Variants in MLLT10 observed in about 807,000 individuals in gnomAD.
MLLT10 encodes protein AF-10.
Under a neutral mutation model 129.1 loss-of-function variants are expected in MLLT10, and 30 were observed. That is an observed-to-expected ratio of 0.23 (90% CI 0.17 to 0.32). The LOEUF is 0.32. Ranked by LOEUF, MLLT10 falls within the 10% of genes least tolerant of loss-of-function variation. The probability of loss-of-function intolerance (pLI) is 1.00; values close to 1 mark genes in which losing one functional copy is unlikely to be tolerated. For synonymous variants in MLLT10, 490 were observed against 446.4 expected (o/e 1.10, Z -1.23); for missense variants, 1,119 against 1,268.3 (o/e 0.88, Z 1.79).
chr10:21,659,916 G>T (rs979077175), intron 9 of MLLT10, among the ~76,000 whole-genome samples: 1 of 152,078 alleles, frequency 6.6e-6, no homozygotes, highest in African/African-American at 2.4e-5. Flanking sequence ...AGTGATGATT[G>T]TTCCTTGCTA....
At chr10:21,604,272 G>C (rs1286092771) in intron 5 of MLLT10, among the ~76,000 whole-genome samples, 1 of 152,144 alleles carries the variant, frequency 6.6e-6, no homozygotes, top group Admixed American at 6.5e-5. Flanking sequence ...ATTGGCGATG[G>C]ATTAAGACTT....
At chr10:21,670,747 TTAA>T (rs1359118887) in intron 10 of MLLT10, 43 bp downstream of exon 10, 1 of 1,560,726 alleles carries the variant, frequency 6.4e-7, no homozygotes, top group Admixed American at 2.0e-5. Flanking sequence ...TTTAAGATGG[TTAA>T]TAATAGTTAT....
At chr10:21,625,184 CT>C (rs1373051456) in intron 8 of MLLT10, 1 of 1,482,416 alleles carries the variant, frequency 6.7e-7, no homozygotes, top group African/African-American at 1.4e-5. Flanking sequence ...ATATGCAGTG[CT>C]TCTGGAGGCC....
intron 3 of MLLT10, among the ~76,000 whole-genome samples, chr10:21,576,904 T>G (rs551791256): frequency 1.3e-5 from 2 of 152,370 alleles, no homozygotes; most frequent in Non-Finnish European, 2.9e-5. Flanking sequence ...GTGCTGGGGT[T>G]ACAGGCGTGG....
At chr10:21,606,188 ACT>A (rs1564495388) in intron 5 of MLLT10, among the ~76,000 whole-genome samples, 2 of 151,654 alleles carry the variant, frequency 1.3e-5, no homozygotes, top group Admixed American at 1.3e-4. Flanking sequence ...ATCTCTCTCT[ACT>A]CTCCTTAGGC....
chr10:21,563,749 A>G (rs2039158895), intron 3 of MLLT10, among the ~76,000 whole-genome samples: 3 of 151,776 alleles, frequency 2.0e-5, no homozygotes, highest in African/African-American at 7.3e-5. Flanking sequence ...ATAAGTCTTC[A>G]TTTAGTAATT....
At chr10:21,740,619 T>G (rs960819372) in intron 22 of MLLT10, among the ~76,000 whole-genome samples, 3 of 152,232 alleles carry the variant, frequency 2.0e-5, no homozygotes, top group Admixed American at 6.5e-5. Flanking sequence ...TAAGTATATT[T>G]ATTACCAAGA....
intron 5 of MLLT10, among the ~76,000 whole-genome samples, chr10:21,600,152 G>C (rs1467693971): frequency 2.6e-5 from 4 of 151,986 alleles, no homozygotes; most frequent in Non-Finnish European, 5.9e-5. Flanking sequence ...TTCCTTTGGT[G>C]TGTCTATTTT....
At chr10:21,567,843 A>G (rs1349974233) in intron 3 of MLLT10, among the ~76,000 whole-genome samples, 6 of 147,710 alleles carry the variant, frequency 4.1e-5, no homozygotes, top group African/African-American at 1.5e-4. Flanking sequence ...TTTTTGAGAC[A>G]GAGTCTCTCT....
At chr10:21,664,258 A>T (rs1277077921) in intron 9 of MLLT10, among the ~76,000 whole-genome samples, 1 of 148,478 alleles carries the variant, frequency 6.7e-6, no homozygotes, top group Non-Finnish European at 1.5e-5. Context: ...GATGCAGAAC[A>T]TGGATTATCT....
chr10:21,584,314 C>T (rs941584195), intron 3 of MLLT10, among the ~76,000 whole-genome samples: 3 of 152,004 alleles, frequency 2.0e-5, no homozygotes, highest in Non-Finnish European at 4.4e-5. Context: ...CAGGCACGCA[C>T]CACCACATCC....
At chr10:21,724,423 G>A (rs907768535) in intron 14 of MLLT10, among the ~76,000 whole-genome samples, 4 of 152,188 alleles carry the variant, frequency 2.6e-5, no homozygotes, top group African/African-American at 9.7e-5. Context: ...TGTTGTCTTA[G>A]TCTCTTGTGT....
intron 9 of MLLT10, among the ~76,000 whole-genome samples, chr10:21,658,403 A>G (rs998297054): frequency 2.0e-5 from 3 of 152,126 alleles, no homozygotes; most frequent in African/African-American, 7.2e-5. Context: ...CAGCATAATT[A>G]TTTTAAGATT....
chr10:21,664,012 G>A (rs1220174201), intron 9 of MLLT10, among the ~76,000 whole-genome samples: 1 of 152,076 alleles, frequency 6.6e-6, no homozygotes, highest in African/African-American at 2.4e-5. Flanking sequence ...CCTAGTATAG[G>A]CATTTAATGA....
intron 5 of MLLT10, among the ~76,000 whole-genome samples, chr10:21,605,933 T>A (rs536653192): frequency 6.6e-6 from 1 of 152,312 alleles, no homozygotes; most frequent in South Asian, 2.1e-4. Context: ...TTTTTTTTCT[T>A]TTTTACCGAA....
At chr10:21,549,388 G>A (rs2036609976) in intron 3 of MLLT10, among the ~76,000 whole-genome samples, 2 of 152,094 alleles carry the variant, frequency 1.3e-5, no homozygotes, top group African/African-American at 4.8e-5. Context: ...AGGATTACAG[G>A]CGTGAGCCAC....
intron 5 of MLLT10, among the ~76,000 whole-genome samples, chr10:21,608,232 G>A (rs1345055147): frequency 1.3e-5 from 2 of 151,476 alleles, no homozygotes; most frequent in African/African-American, 2.4e-5. Context: ...GCAGTGGCAC[G>A]ATAAAGGCTC....
intron 3 of MLLT10, among the ~76,000 whole-genome samples, chr10:21,556,372 A>G (rs1450631088): frequency 1.3e-5 from 2 of 152,206 alleles, no homozygotes; most frequent in Non-Finnish European, 2.9e-5. Flanking sequence ...TAGCTTAGTA[A>G]GAGAGAAATA....
chr10:21,598,780 T>C (rs956143168), intron 5 of MLLT10, among the ~76,000 whole-genome samples: 1 of 151,616 alleles, frequency 6.6e-6, no homozygotes, highest in African/African-American at 2.4e-5. Flanking sequence ...CTTGGGAGGC[T>C]GAGGCATGAC....
Sources: gnomAD v4.1 joint callset for allele counts (sites outside exome capture counted in the v4.1 genomes callset) on GRCh38, gnomAD v4.1.1 for gene constraint, MANE v1.5 for transcripts, NCBI Gene and HGNC (gene_info 2026-07-23, HGNC 2026-07-21) for gene names.